Variants in PCDHGA9 observed in about 807,000 individuals in gnomAD.
The protein encoded by PCDHGA9 is protocadherin gamma-A9.
In PCDHGA9, 37 loss-of-function variants were observed where a neutral mutation model predicts 62.5. The ratio of observed to expected loss-of-function variants is 0.59; its 90% CI spans 0.46 to 0.78. PCDHGA9 has a LOEUF of 0.78. PCDHGA9 is among the 30% of genes least tolerant of loss of function. PCDHGA9 has a pLI of 0.00. For synonymous variants in PCDHGA9, 459 were observed against 484.6 expected, an observed-to-expected ratio of 0.95 and a Z score of 0.69; for missense variants, 1,138 against 1,166.2, an observed-to-expected ratio of 0.98 and a Z score of 0.35.
chr5:141,413,051 C>T (rs1316813444), intron 1 of PCDHGA9: 1 of 952,822 alleles, frequency 1.0e-6, no homozygotes, highest in African/African-American at 1.7e-5. Context: ...TGCAGGGAAG[C>T]TCACTCCAGA....
chr5:141,432,766 C>G lies in PCDHGA9; in HGVS notation c.2424+27390C>G. On this transcript the variant is annotated intron_variant, in intron 1 of 3. Transcript: ENST00000573521. This position sits in a 1 kb window ranked among gnomAD's most constrained non-coding sequence, Gnocchi z 6.0. Reference sequence around the variant, plus strand: ...CCGTGGCCGTGGCCGACAGCATCCCCCAAGTCCTGGCGGACCTCGGCAGCC... The same window carrying G: ...CCGTGGCCGTGGCCGACAGCATCCCGCAAGTCCTGGCGGACCTCGGCAGCC... 6.2e-7 allele frequency: 1 copy of G among 1,614,160 alleles called. No individual in the cohort carries two copies. The highest frequency in any genetic ancestry group is 8.5e-7 in the Non-Finnish European group (1 of 1,179,994).
At chr5:141,418,717 C>G in intron 1 of PCDHGA9, 2 of 1,613,938 alleles carry the variant, frequency 1.2e-6, no homozygotes, top group Non-Finnish European at 1.7e-6. Context: ...GTGTGGCTGA[C>G]AAAGCTCAGC....
At chr5:141,412,987 A>T (rs192699644) in intron 1 of PCDHGA9, 1 of 564,522 alleles carries the variant, frequency 1.8e-6, no homozygotes, top group African/African-American at 1.9e-5. Flanking sequence ...GCCAGAGCTC[A>T]ATCCGGATTC....
Position 141,485,428 on chromosome 5 carries a change from C to T in PCDHGA9, c.2425-9379C>T, listed in dbSNP as rs2099613200. Reference sequence around the variant, plus strand: ...TGGATTTGGACAGCGGAGCCCTGCTCATCAAGAACCCAATCGACCGAGAGG... The same window carrying T: ...TGGATTTGGACAGCGGAGCCCTGCTTATCAAGAACCCAATCGACCGAGAGG... On this transcript the variant is annotated intron_variant, in intron 1 of 3. Transcript: ENST00000573521. The surrounding 1 kb of genome is among the most constrained non-coding windows in gnomAD (Gnocchi z 5.7). The T allele has an allele frequency of 2.5e-6, 4 of 1,614,160 alleles. No homozygotes were observed. The highest frequency in any genetic ancestry group is 3.4e-6 in the Non-Finnish European group (4 of 1,180,022).
At chr5:141,408,500 A>G in intron 1 of PCDHGA9, 1 of 1,614,018 alleles carries the variant, frequency 6.2e-7, no homozygotes, top group Non-Finnish European at 8.5e-7. Context: ...CAAAGAGAGA[A>G]GAAGATGTGA....
intron 1 of PCDHGA9, chr5:141,410,854 T>C: frequency 2.6e-6 from 1 of 387,418 alleles, no homozygotes; most frequent in Non-Finnish European, 4.2e-6. Flanking sequence ...TTTGTCTTTT[T>C]TTTTTTTTTT....
In PCDHGA9 at chr5:141,487,476, A is replaced by G; in HGVS notation, c.2425-7331A>G. Reference sequence around the variant, plus strand: ...ATCAAGTTTGTTGATGTGGGAGGCCACTCTCATGGCTGTACACCCTTGGCT... The same window carrying G: ...ATCAAGTTTGTTGATGTGGGAGGCCGCTCTCATGGCTGTACACCCTTGGCT... On this transcript the variant is annotated intron_variant, in intron 1 of 3. Transcript: ENST00000573521. The surrounding 1 kb of genome is among the most constrained non-coding windows in gnomAD (Gnocchi z 5.0). The G allele has an allele frequency of 6.2e-7, 1 of 1,614,004 alleles. No homozygotes were observed. Among genetic ancestry groups the G allele is most frequent in the Non-Finnish European group, 8.5e-7 (1 of 1,180,002 alleles).
In PCDHGA9 at chr5:141,502,614, T is replaced by C. The variant is rs534996288; in HGVS notation, c.2484-2779T>C. Among the ~76,000 whole-genome samples the C allele has an allele frequency of 7.2e-5, 11 of 152,316 alleles. No homozygotes were observed. In the East Asian group the frequency reaches 1.7e-3, roughly 24 times the overall value. ...AGATATTTTAAAATATTTGTGAAAATATAAGTAATCTGTGGATGATACTTT... is the reference window on the plus strand; with the variant it reads ...AGATATTTTAAAATATTTGTGAAAACATAAGTAATCTGTGGATGATACTTT... On this transcript the variant is annotated intron_variant, in intron 2 of 3. Transcript: ENST00000573521.
chr5:141,473,004 AAAAG>A (rs1215989598), intron 1 of PCDHGA9, among the ~76,000 whole-genome samples: 5 of 151,730 alleles, frequency 3.3e-5, no homozygotes, highest in Non-Finnish European at 7.4e-5. Context: ...AAAAGAAAGA[AAAAG>A]AAAAAGAAAG....
At chr5:141,459,035 AC>A (rs1337856322) in intron 1 of PCDHGA9, among the ~76,000 whole-genome samples, 1 of 152,218 alleles carries the variant, frequency 6.6e-6, no homozygotes, top group Non-Finnish European at 1.5e-5. Flanking sequence ...ATCCAGCCTT[AC>A]CAGCTATATT....
At position 141,511,239 on chromosome 5, in the gene PCDHGA9, C is replaced by A; in HGVS notation, c.*66C>A. On this transcript the variant is annotated 3_prime_UTR_variant, in exon 4 of 4. Coordinates refer to ENST00000573521, the MANE Select transcript of PCDHGA9 (RefSeq NM_018921.3). ...AACCAGCCCAGCTTCTCCTTACCTG[C>A]ACCCAGGCCTCAGAGTTTCAGGGCT... 1 of 1,587,938 alleles carries A rather than the reference C, an allele frequency of 6.3e-7. No homozygotes were observed. Among genetic ancestry groups the A allele is most frequent in the Admixed American group, 1.8e-5 (1 of 55,480 alleles).
Position 141,485,048 on chromosome 5 carries a change from C to T in PCDHGA9, c.2425-9759C>T. ...AAACGGCGCGTAACCCTTGCGGCGC[C>T]GGCCGAACCGCGCCAGAGCTGGCGC... On this transcript the variant is annotated intron_variant, in intron 1 of 3. Transcript: ENST00000573521. The surrounding 1 kb of genome is among the most constrained non-coding windows in gnomAD (Gnocchi z 5.7). 1 of 770,392 alleles carries T rather than the reference C, an allele frequency of 1.3e-6. No individual in the cohort carries two copies. Among genetic ancestry groups the T allele is most frequent in the South Asian group, 1.7e-5 (1 of 58,120 alleles). 47.7% of individuals were successfully genotyped at this position (770,392 alleles called of 1,614,324 possible). A position where few individuals can be genotyped will look rare whatever the true frequency, so the allele number is the denominator to read the frequency against.
chr5:141,491,507 C>A lies in PCDHGA9; in HGVS notation c.2425-3300C>A, dbSNP rs755899622. 1.9e-6 allele frequency: 3 copies of A among 1,614,038 alleles called. No individual in the cohort carries two copies. The highest frequency in any genetic ancestry group is 1.6e-4 in the Middle Eastern group (1 of 6,062). Reference sequence around the variant, plus strand: ...AACCTGCAGGTGAGCTCGGACGGCACGCTCAAGTACATGGAGGTGACGCTG... The same window carrying A: ...AACCTGCAGGTGAGCTCGGACGGCAAGCTCAAGTACATGGAGGTGACGCTG... On this transcript the variant is annotated intron_variant, in intron 1 of 3. Transcript: ENST00000573521. The surrounding 1 kb of genome is among the most constrained non-coding windows in gnomAD (Gnocchi z 6.9).
In PCDHGA9 at chr5:141,477,031, A is replaced by C; in HGVS notation, c.2425-17776A>C. Reference sequence around the variant, plus strand: ...TAGACCTTGTAACCGGGATGCTGACAATCAAGGGTCGGCTGGACTTCGAGG... The same window carrying C: ...TAGACCTTGTAACCGGGATGCTGACCATCAAGGGTCGGCTGGACTTCGAGG... On this transcript the variant is annotated intron_variant, in intron 1 of 3. Coordinates refer to ENST00000573521, the MANE Select transcript of PCDHGA9 (RefSeq NM_018921.3). This position sits in a 1 kb window ranked among gnomAD's most constrained non-coding sequence, Gnocchi z 4.9. The C allele has an allele frequency of 6.2e-7, 1 of 1,614,248 alleles. No individual in the cohort carries two copies. Among genetic ancestry groups the C allele is most frequent in the Non-Finnish European group, 8.5e-7 (1 of 1,180,040 alleles).
At chr5:141,421,192 C>G (rs758345796) in intron 1 of PCDHGA9, 22 of 1,491,716 alleles carry the variant, frequency 1.5e-5, no homozygotes, top group Non-Finnish European at 1.9e-5. Flanking sequence ...AACCAACCAG[C>G]TCGAGAAACC....
chr5:141,505,287 TG>T, intron 2 of PCDHGA9, 105 bp from the exon 3 acceptor site: 1 of 1,550,864 alleles, frequency 6.4e-7, no homozygotes, highest in Middle Eastern at 2.1e-4. Context: ...GTCTTGGGCA[TG>T]GGGTAGGGTT....
At chr5:141,418,057 G>A (rs2096216088) in intron 1 of PCDHGA9, 2 of 1,614,050 alleles carry the variant, frequency 1.2e-6, no homozygotes, top group East Asian at 4.5e-5. Context: ...CTCGCGAGCT[G>A]CGAGTGAGCG....
intron 1 of PCDHGA9, chr5:141,417,843 G>C: frequency 6.5e-7 from 1 of 1,539,250 alleles, no homozygotes; most frequent in Non-Finnish European, 8.8e-7. Context: ...GGGACCCAGC[G>C]AGAACCCGAG....
intron 1 of PCDHGA9, among the ~76,000 whole-genome samples, chr5:141,469,317 C>T (rs1354878667): frequency 6.6e-6 from 1 of 152,092 alleles, no homozygotes; most frequent in Non-Finnish European, 1.5e-5. Flanking sequence ...TGGCTCACGC[C>T]TGTAATCCCA....
Sources: allele counts gnomAD v4.1 joint callset (sites outside exome capture counted in the v4.1 genomes callset), GRCh38; gene constraint gnomAD v4.1.1; non-coding constraint Gnocchi (gnomAD v3.1); transcripts MANE v1.5; gene names NCBI Gene and HGNC (gene_info 2026-07-23, HGNC 2026-07-21).